Variants in GSK3B observed in about 807,000 individuals in gnomAD.
GSK3B encodes the protein glycogen synthase kinase-3 beta.
Under a neutral mutation model 56.4 loss-of-function variants are expected in GSK3B, and 15 were observed. That is an observed-to-expected ratio of 0.27 (90% CI 0.18 to 0.41). GSK3B has a LOEUF of 0.41. Ranked by LOEUF, GSK3B falls within the 10% of genes least tolerant of loss-of-function variation. The pLI, the probability that GSK3B is intolerant of heterozygous loss-of-function variation, is 1.00. For synonymous variants in GSK3B, 181 were observed against 188.9 expected, an observed-to-expected ratio of 0.96 and a Z score of 0.34; for missense variants, 300 against 513.4, an observed-to-expected ratio of 0.58 and a Z score of 4.02.
rs184640013 is a variant in GSK3B, at chr3:120,071,879, C to T, written c.88+21468G>A. Among the ~76,000 whole-genome samples the T allele has an allele frequency of 2.0e-5, 3 of 152,278 alleles. No individual in the cohort carries two copies. In the East Asian group the frequency reaches 5.8e-4, roughly 29 times the overall value. On this transcript the variant is annotated intron_variant, in intron 1 of 10. Coordinates refer to ENST00000264235, the MANE Select transcript of GSK3B (RefSeq NM_001146156.2). ...CCACCACATTAAGAACCCAGATATACTCTTTTAAGTGGGGTCTAAAAAATC... is the reference window on the plus strand; with the variant it reads ...CCACCACATTAAGAACCCAGATATATTCTTTTAAGTGGGGTCTAAAAAATC...
intron 4 of GSK3B, among the ~76,000 whole-genome samples, chr3:119,921,627 A>C (rs534544661): frequency 3.9e-5 from 6 of 152,336 alleles, no homozygotes; most frequent in African/African-American, 1.4e-4. Flanking sequence ...TTTAGCAACA[A>C]AGTTCAAGAG....
chr3:119,921,132 A>G (rs1052274444), intron 4 of GSK3B, among the ~76,000 whole-genome samples: 1 of 152,254 alleles, frequency 6.6e-6, no homozygotes, highest in Non-Finnish European at 1.5e-5. Flanking sequence ...AGATACTTTA[A>G]AACAACAAAA....
rs138914285 is a variant in GSK3B, at chr3:119,918,394, C to T, written c.478-2220G>A. 3.6e-3 allele frequency among the ~76,000 whole-genome samples: 547 copies of T among 150,996 alleles called. 1 individual carries two copies. Among genetic ancestry groups the T allele is most frequent in the African/African-American group, 0.012 (485 of 40,806 alleles). ...CTGGGGCAGGAGAATTGCTTGGACC[C>T]GGGAGATAGAGGTTGCAGTGAACCC... On this transcript the variant is annotated intron_variant, in intron 4 of 10. Coordinates refer to ENST00000264235, the MANE Select transcript of GSK3B (RefSeq NM_001146156.2).
chr3:119,832,657 T>TTAAATTCC (rs1210625085), intron 10 of GSK3B, among the ~76,000 whole-genome samples: 3 of 152,244 alleles, frequency 2.0e-5, no homozygotes, highest in Non-Finnish European at 4.4e-5. Flanking sequence ...TTTTCCAGAA[T>TTAAATTCC]TGTTTTCTCA....
intron 1 of GSK3B, among the ~76,000 whole-genome samples, chr3:120,044,651 C>T (rs976371456): frequency 2.6e-5 from 4 of 152,078 alleles, no homozygotes; most frequent in African/African-American, 9.7e-5. Context: ...GGGTAAGTAT[C>T]AACAAAAATG....
rs540799934 is a variant in GSK3B at position 119,934,130 on chromosome 3, A to G, written c.367-10647T>C. Among the ~76,000 whole-genome samples, 9 of 152,372 alleles carry G rather than the reference A, an allele frequency of 5.9e-5. No homozygotes were observed. The South Asian group carries it at 1.9e-3, about 32-fold the overall frequency. On this transcript the variant is annotated intron_variant, in intron 3 of 10. Coordinates refer to ENST00000264235, the MANE Select transcript of GSK3B (RefSeq NM_001146156.2). ...TAAGGAAAAGAAGTATAGGGGCATA[A>G]TTCCCACCTTAGGTGTAGTCTCTGC...
chr3:120,035,979 T>C (rs1447504424), intron 1 of GSK3B, among the ~76,000 whole-genome samples: 1 of 152,200 alleles, frequency 6.6e-6, no homozygotes, highest in Non-Finnish European at 1.5e-5. Context: ...TCCTGCCTAA[T>C]TGCTCTGGCT....
intron 1 of GSK3B, chr3:120,028,770 T>C: frequency 2.1e-6 from 1 of 472,536 alleles, no homozygotes; most frequent in Non-Finnish European, 4.2e-6. Context: ...AGAGAGAGGT[T>C]GGGGCAGCGA....
intron 1 of GSK3B, among the ~76,000 whole-genome samples, chr3:120,050,628 C>G (rs1055445006): frequency 6.6e-6 from 1 of 151,864 alleles, no homozygotes; most frequent in African/African-American, 2.4e-5. Flanking sequence ...GTGCCATTTA[C>G]CAAGATAGAG....
intron 3 of GSK3B, among the ~76,000 whole-genome samples, chr3:119,941,730 C>G (rs2057051608): frequency 6.6e-6 from 1 of 151,954 alleles, no homozygotes; most frequent in African/African-American, 2.4e-5. Context: ...ATTTATATGC[C>G]AGGTACTATA....
intron 4 of GSK3B, among the ~76,000 whole-genome samples, chr3:119,921,258 G>A (rs1474520592): frequency 4.6e-5 from 7 of 152,076 alleles, no homozygotes; most frequent in African/African-American, 1.2e-4. Flanking sequence ...CTATATCTCA[G>A]GGCACAAATA....
intron 1 of GSK3B, among the ~76,000 whole-genome samples, chr3:120,010,590 G>T (rs2057770031): frequency 6.6e-6 from 1 of 152,162 alleles, no homozygotes; most frequent in Admixed American, 6.5e-5. Context: ...AAATTCCACT[G>T]AACAAGTTGC....
At chr3:119,963,152 C>G (rs1391949934) in intron 2 of GSK3B, among the ~76,000 whole-genome samples, 1 of 152,082 alleles carries the variant, frequency 6.6e-6, no homozygotes, top group Non-Finnish European at 1.5e-5. Context: ...AGGTGAAAGA[C>G]TTGTACACTA....
At chr3:119,945,391 T>G (rs767432116) in intron 3 of GSK3B, among the ~76,000 whole-genome samples, 1 of 152,202 alleles carries the variant, frequency 6.6e-6, no homozygotes, top group Non-Finnish European at 1.5e-5. Flanking sequence ...TAATAGAGGT[T>G]AATCTCTGTT....
chr3:119,963,913 C>T (rs558399632), intron 2 of GSK3B, among the ~76,000 whole-genome samples: 1 of 152,046 alleles, frequency 6.6e-6, no homozygotes, highest in African/African-American at 2.4e-5. Flanking sequence ...AACGTAGAAC[C>T]CTTTGAAGAA....
chr3:119,866,568 G>T, intron 8 of GSK3B: 1 of 1,541,790 alleles, frequency 6.5e-7, no homozygotes, highest in Non-Finnish European at 8.9e-7. Context: ...GAAATTTTGG[G>T]AAAAAAAAAT....
In GSK3B at chr3:119,912,744, T is replaced by C. The variant is rs575932919; in HGVS notation, c.675A>G (p.Pro225=). The C allele has an allele frequency of 4.4e-6, 7 of 1,598,356 alleles. No individual in the cohort carries two copies. The East Asian group carries it at 1.6e-4, about 36-fold the overall frequency. Residue 225 remains proline, a synonymous_variant, in exon 6 of 11, where the codon CCA becomes CCG. Transcript: ENST00000264235. ...SYICSRYYRA[P]ELIFGATDYT... ...AATCAGTGGCTCCAAAGATCAACTC[T>C]GGTGCCCTATAGTACCGAGAACAGA... is the stretch of plus-strand genomic sequence containing the variant.
rs191753886 is a variant in GSK3B at position 120,021,390 on chromosome 3, C to T, written c.89-19151G>A. Reference sequence around the variant, plus strand: ...AATTAGCCGGGCATGGTGGCGGGCACCTGTAATCCCAGCTACTCGGGAGGC... The same window carrying T: ...AATTAGCCGGGCATGGTGGCGGGCATCTGTAATCCCAGCTACTCGGGAGGC... On this transcript the variant is annotated intron_variant, in intron 1 of 10. Transcript: ENST00000264235. Among the ~76,000 whole-genome samples, 690 of 151,618 alleles carry T rather than the reference C, an allele frequency of 4.6e-3. 24 individuals are homozygous for T. In the East Asian group the frequency reaches 0.1, roughly 22 times the overall value.
chr3:120,076,553 CG>C (rs2058368350), intron 1 of GSK3B, among the ~76,000 whole-genome samples: 2 of 152,216 alleles, frequency 1.3e-5, no homozygotes, highest in African/African-American at 4.8e-5. Context: ...CGGTGGCTCA[CG>C]CCTGTAATCC....
Sources: allele counts gnomAD v4.1 joint callset (sites outside exome capture counted in the v4.1 genomes callset), GRCh38; gene constraint gnomAD v4.1.1; transcripts MANE v1.5; gene names NCBI Gene and HGNC (gene_info 2026-07-23, HGNC 2026-07-21).